The following GNAQ variants were observed in gnomAD, a reference collection of about 807,000 sequenced individuals.
GNAQ encodes guanine nucleotide-binding protein G(q) subunit alpha.
Under a neutral mutation model 43.9 loss-of-function variants are expected in GNAQ, and 8 were observed. The ratio of observed to expected loss-of-function variants is 0.18; its 90% confidence interval spans 0.11 to 0.33. The LOEUF (loss-of-function observed/expected upper bound fraction) is 0.33, where lower values mean the gene tolerates loss of function less well. Ranked by LOEUF, GNAQ falls within the 10% of genes least tolerant of loss-of-function variation. The probability of loss-of-function intolerance (pLI) is 1.00; values close to 1 mark genes in which losing one functional copy is unlikely to be tolerated. For missense variants in GNAQ, 158 were observed against 450.8 expected (o/e 0.35, Z 5.88); for synonymous variants, 155 against 170.7 (o/e 0.91, Z 0.71).
chr9:77,860,139 GACTC>G (rs1362587069), intron 2 of GNAQ, among the ~76,000 whole-genome samples: 6 of 152,182 alleles, frequency 3.9e-5, no homozygotes, highest in Admixed American at 2.6e-4. Context: ...CCCTAGAACA[GACTC>G]ACTATTTCTT....
intron 2 of GNAQ, among the ~76,000 whole-genome samples, chr9:77,897,199 C>T (rs1282295162): frequency 6.6e-6 from 1 of 152,294 alleles, no homozygotes; most frequent in East Asian, 1.9e-4. Context: ...GACTATGATG[C>T]CGGGGAAAAT....
intron 1 of GNAQ, among the ~76,000 whole-genome samples, chr9:77,947,418 C>A (rs900994005): frequency 6.6e-6 from 1 of 152,138 alleles, no homozygotes; most frequent in African/African-American, 2.4e-5. Context: ...AGTGCCATCC[C>A]ATGTTATCTC....
At chr9:78,020,410 C>G (rs1209935197) in intron 1 of GNAQ, among the ~76,000 whole-genome samples, 1 of 152,138 alleles carries the variant, frequency 6.6e-6, no homozygotes, top group Admixed American at 6.5e-5. Flanking sequence ...CATGAGAGTT[C>G]TATGCTCACC....
intron 5 of GNAQ, among the ~76,000 whole-genome samples, chr9:77,793,410 A>G (rs1364392688): frequency 6.6e-6 from 1 of 152,136 alleles, no homozygotes; most frequent in African/African-American, 2.4e-5. Flanking sequence ...AACTTTATCA[A>G]TCCTATACAT....
intron 5 of GNAQ, among the ~76,000 whole-genome samples, chr9:77,783,369 A>G (rs1294908725): frequency 6.6e-6 from 1 of 152,244 alleles, no homozygotes; most frequent in Non-Finnish European, 1.5e-5. Flanking sequence ...CTGTGAACAC[A>G]GTAAAGTCAC....
chr9:77,893,347 C>T (rs536962494), intron 2 of GNAQ, among the ~76,000 whole-genome samples: 1 of 152,296 alleles, frequency 6.6e-6, no homozygotes, highest in East Asian at 1.9e-4. Flanking sequence ...AAAAGACACT[C>T]CCACCAGCAT....
chr9:77,807,703 A>G (rs1826849824), intron 3 of GNAQ, among the ~76,000 whole-genome samples: 1 of 152,182 alleles, frequency 6.6e-6, no homozygotes, highest in African/African-American at 2.4e-5. Context: ...AGAGCATCAG[A>G]GTCTTAAACT....
chr9:77,742,700 C>T (rs1256702931), intron 5 of GNAQ, among the ~76,000 whole-genome samples: 1 of 152,076 alleles, frequency 6.6e-6, no homozygotes, highest in Non-Finnish European at 1.5e-5. Flanking sequence ...CACAAAAACA[C>T]ACCTTTAAAT....
intron 3 of GNAQ, among the ~76,000 whole-genome samples, chr9:77,809,883 T>A (rs1826890625): frequency 6.6e-6 from 1 of 152,182 alleles, no homozygotes; most frequent in Non-Finnish European, 1.5e-5. Flanking sequence ...ATAAAGACTG[T>A]AGGTTAAAAC....
chr9:77,897,020 T>C (rs923151383), intron 2 of GNAQ, among the ~76,000 whole-genome samples: 1 of 152,214 alleles, frequency 6.6e-6, no homozygotes, highest in Non-Finnish European at 1.5e-5. Flanking sequence ...TACTTAATTA[T>C]AAAGGGAAAC....
chr9:77,922,492 G>A, intron 1 of GNAQ, 147 bp from the exon 2 acceptor site: 1 of 604,788 alleles, frequency 1.7e-6, no homozygotes, highest in Non-Finnish European at 2.9e-6. Context: ...TACCTATGGT[G>A]AACATTTAGC....
chr9:77,922,853 A>T (rs1443155396), intron 1 of GNAQ, among the ~76,000 whole-genome samples: 3 of 152,062 alleles, frequency 2.0e-5, no homozygotes, highest in Non-Finnish European at 4.4e-5. Context: ...TTTTAGACAC[A>T]GCGTCTTGCT....
chr9:77,717,714 C>A lies in GNAQ; in HGVS notation c.*3609G>T, dbSNP rs189556539. On this transcript the variant is annotated 3_prime_UTR_variant, in exon 7 of 7. Transcript: ENST00000286548. ...AGCTGAATTACCTTTTTAAAATAGGCCTGCTAGTTAATCTACCAAAAAAAA... is the reference window on the plus strand; with the variant it reads ...AGCTGAATTACCTTTTTAAAATAGGACTGCTAGTTAATCTACCAAAAAAAA... The A allele has an allele frequency of 3.7e-3, 852 of 231,888 alleles. 8 individuals carry two copies. The highest frequency in any genetic ancestry group is 0.018 in the African/African-American group (806 of 45,082). The allele number at this position is 231,888 out of a possible 1,614,324, so 14.4% of individuals were successfully genotyped here. A position where few individuals can be genotyped will look rare whatever the true frequency, so the allele number is the denominator to read the frequency against.
intron 2 of GNAQ, among the ~76,000 whole-genome samples, chr9:77,836,788 T>C (rs185523219): frequency 2.0e-5 from 3 of 152,332 alleles, no homozygotes; most frequent in Non-Finnish European, 4.4e-5. Context: ...CCATTTAAAT[T>C]AGTATTAAAT....
At chr9:77,902,101 G>GA (rs1360117713) in intron 2 of GNAQ, among the ~76,000 whole-genome samples, 1 of 152,088 alleles carries the variant, frequency 6.6e-6, no homozygotes, top group Non-Finnish European at 1.5e-5. Flanking sequence ...TAACTCTTCT[G>GA]AATTTATATT....
chr9:78,020,198 T>A (rs934975427), intron 1 of GNAQ, among the ~76,000 whole-genome samples: 1 of 152,138 alleles, frequency 6.6e-6, no homozygotes, highest in Admixed American at 6.5e-5. Context: ...CTATAGGAGA[T>A]GCAAGCCAAG....
intron 5 of GNAQ, among the ~76,000 whole-genome samples, chr9:77,745,380 G>A (rs1825713145): frequency 6.6e-6 from 1 of 152,038 alleles, no homozygotes; most frequent in Non-Finnish European, 1.5e-5. Context: ...TGAGACCTAA[G>A]CAAACGCACC....
chr9:77,925,179 A>G (rs1342331423), intron 1 of GNAQ, among the ~76,000 whole-genome samples: 3 of 152,036 alleles, frequency 2.0e-5, no homozygotes, highest in Non-Finnish European at 4.4e-5. Context: ...CCACTCCTCA[A>G]TCCCCACACT....
chr9:78,006,429 T>TA (rs1823707198), intron 1 of GNAQ, among the ~76,000 whole-genome samples: 1 of 152,140 alleles, frequency 6.6e-6, no homozygotes, highest in South Asian at 2.1e-4. Context: ...CAAAAAATCT[T>TA]AGAGAAAAAT....
Sources: allele counts gnomAD v4.1 joint callset (sites outside exome capture counted in the v4.1 genomes callset), GRCh38; gene constraint gnomAD v4.1.1; transcripts MANE v1.5; gene names NCBI Gene and HGNC (gene_info 2026-07-23, HGNC 2026-07-21).